FGF12: variants seen among roughly 807,000 people sequenced by gnomAD.
FGF12 encodes the protein fibroblast growth factor 12, also known as fibroblast growth factor 12B.
FGF12 carries 14 observed loss-of-function variants against 23.6 expected under a neutral mutation model. That is an observed-to-expected ratio of 0.59 (90% CI 0.39 to 0.93). The LOEUF is 0.93. Among genes scored for constraint, FGF12 ranks in the 40% least tolerant of loss-of-function variants. The probability of loss-of-function intolerance (pLI) is 0.00; values close to 1 mark genes in which losing one functional copy is unlikely to be tolerated. For missense variants in FGF12, 175 were observed against 217.8 expected (o/e 0.80, Z 1.24); for synonymous variants, 62 against 77.3 (o/e 0.80, Z 1.04).
rs138116337 is a variant in FGF12, at chr3:192,571,834, C to T, written c.13+155347G>A. Reference sequence around the variant, plus strand: ...AGCAATCTGGGTGTTCAATCTATCTCGATCTCACAATGCCCATGCCTCCTA... The same window carrying T: ...AGCAATCTGGGTGTTCAATCTATCTTGATCTCACAATGCCCATGCCTCCTA... On this transcript the variant is annotated intron_variant, in intron 2 of 5. Coordinates refer to ENST00000445105, the MANE Select transcript of FGF12 (RefSeq NM_004113.6). 4.1e-3 allele frequency among the ~76,000 whole-genome samples: 624 copies of T among 152,268 alleles called. 3 individuals carry two copies. Among genetic ancestry groups the T allele is most frequent in the African/African-American group, 0.014 (592 of 41,560 alleles).
intron 2 of FGF12, among the ~76,000 whole-genome samples, chr3:192,706,198 T>C (rs899172156): frequency 2.0e-5 from 3 of 152,216 alleles, no homozygotes; most frequent in African/African-American, 7.2e-5. Context: ...ATATTCAAAA[T>C]ATGTATATTA....
intron 4 of FGF12, among the ~76,000 whole-genome samples, chr3:192,181,982 C>T (rs372092514): frequency 3.3e-5 from 5 of 151,744 alleles, no homozygotes; most frequent in African/African-American, 1.2e-4. Flanking sequence ...AAAAAAAGAA[C>T]ATAATGAATA....
At chr3:192,486,616 A>G (rs569524172) in intron 2 of FGF12, among the ~76,000 whole-genome samples, 14 of 152,250 alleles carry the variant, frequency 9.2e-5, no homozygotes, top group Non-Finnish European at 1.8e-4. Flanking sequence ...GAAGAGCATG[A>G]GACAAGGTCA....
intron 4 of FGF12, among the ~76,000 whole-genome samples, chr3:192,241,428 A>C (rs1184018185): frequency 1.3e-5 from 2 of 152,184 alleles, no homozygotes; most frequent in Non-Finnish European, 2.9e-5. Flanking sequence ...AAAACACTAC[A>C]AAGATTATGT....
chr3:192,663,044 T>C (rs570348972), intron 2 of FGF12, among the ~76,000 whole-genome samples: 1 of 152,278 alleles, frequency 6.6e-6, no homozygotes, highest in African/African-American at 2.4e-5. Flanking sequence ...TTCATGATCA[T>C]GCAATGTTCT....
intron 4 of FGF12, among the ~76,000 whole-genome samples, chr3:192,177,627 G>A (rs1208489745): frequency 2.0e-5 from 3 of 152,134 alleles, no homozygotes; most frequent in Non-Finnish European, 1.5e-5. Flanking sequence ...ATAACCCATG[G>A]GTGAATGTAC....
intron 4 of FGF12, among the ~76,000 whole-genome samples, chr3:192,258,474 A>C (rs919586423): frequency 6.6e-6 from 1 of 152,164 alleles, no homozygotes; most frequent in East Asian, 1.9e-4. Context: ...AAATAAATAC[A>C]TAAATAAAAT....
chr3:192,494,381 G>A (rs935449975), intron 2 of FGF12, among the ~76,000 whole-genome samples: 44 of 152,326 alleles, frequency 2.9e-4, no homozygotes, highest in African/African-American at 1.1e-3. Flanking sequence ...CTCTACAATA[G>A]TACTTCCTGT....
intron 2 of FGF12, among the ~76,000 whole-genome samples, chr3:192,457,497 C>T (rs1356392183): frequency 6.6e-6 from 1 of 152,180 alleles, no homozygotes; most frequent in Non-Finnish European, 1.5e-5. Flanking sequence ...ACAAAGGTGA[C>T]TCTTGCTACA....
At chr3:192,172,161 A>G (rs112620541) in intron 4 of FGF12, among the ~76,000 whole-genome samples, 8,991 of 139,898 alleles carry the variant, frequency 0.064, 646 homozygotes, top group South Asian at 0.25. Flanking sequence ...GGTTGAGGTA[A>G]GCAGATCATT....
At chr3:192,382,263 G>A (rs1036162931) in intron 2 of FGF12, among the ~76,000 whole-genome samples, 1 of 151,992 alleles carries the variant, frequency 6.6e-6, no homozygotes, top group African/African-American at 2.4e-5. Flanking sequence ...CAAAGTACTG[G>A]GATTACAGGT....
chr3:192,491,603 T>C (rs1018185695), intron 2 of FGF12, among the ~76,000 whole-genome samples: 1 of 152,142 alleles, frequency 6.6e-6, no homozygotes, highest in African/African-American at 2.4e-5. Context: ...ATCTAAATTA[T>C]GGAGATAATC....
chr3:192,524,193 C>T (rs1724887512), intron 2 of FGF12, among the ~76,000 whole-genome samples: 1 of 152,118 alleles, frequency 6.6e-6, no homozygotes, highest in Non-Finnish European at 1.5e-5. Context: ...ATGATGCTGC[C>T]CCTGGTTTTG....
chr3:192,408,323 G>A lies in FGF12; in HGVS notation c.14-47785C>T, dbSNP rs921959207. On this transcript the variant is annotated intron_variant, in intron 2 of 5. Transcript: ENST00000445105. The surrounding 1 kb of genome is among the most constrained non-coding windows in gnomAD (Gnocchi z 7.3). ...GACCTGGGCGGCCAGGGAAAGGGCAGTCGCGGGGAGGCAGTGCTAAAATTT... is the reference window on the plus strand; with the variant it reads ...GACCTGGGCGGCCAGGGAAAGGGCAATCGCGGGGAGGCAGTGCTAAAATTT... 20 of 1,438,434 alleles carry A rather than the reference G, an allele frequency of 1.4e-5. No homozygotes were observed. The highest frequency in any genetic ancestry group is 1.7e-5 in the Non-Finnish European group (19 of 1,100,738). 89.1% of individuals were successfully genotyped at this position (1,438,434 alleles called of 1,614,324 possible). A position where few individuals can be genotyped will look rare whatever the true frequency, so the allele number is the denominator to read the frequency against.
intron 4 of FGF12, among the ~76,000 whole-genome samples, chr3:192,289,183 T>C (rs534583832): frequency 2.6e-5 from 4 of 152,278 alleles, no homozygotes; most frequent in African/African-American, 9.6e-5. Flanking sequence ...TTCATTCATT[T>C]ATTCAACAGT....
At chr3:192,418,113 A>C (rs957128350) in intron 2 of FGF12, among the ~76,000 whole-genome samples, 3 of 152,124 alleles carry the variant, frequency 2.0e-5, no homozygotes, top group African/African-American at 7.2e-5. Flanking sequence ...TGTAGATGTT[A>C]GATGCAAATT....
chr3:192,378,077 T>TCTTTCTTTC, intron 2 of FGF12, among the ~76,000 whole-genome samples: 1 of 126,208 alleles, frequency 7.9e-6, no homozygotes, highest in Non-Finnish European at 1.6e-5. Context: ...TTTCTTTCTT[T>TCTTTCTTTC]CTTTCTTTCT....
intron 2 of FGF12, among the ~76,000 whole-genome samples, chr3:192,636,199 C>T (rs1195935968): frequency 6.6e-6 from 1 of 152,148 alleles, no homozygotes; most frequent in Non-Finnish European, 1.5e-5. Context: ...TAGGAAGACA[C>T]TAGATCACCC....
intron 2 of FGF12, among the ~76,000 whole-genome samples, chr3:192,450,868 C>A (rs1374124331): frequency 1.3e-5 from 2 of 152,184 alleles, no homozygotes; most frequent in African/African-American, 4.8e-5. Context: ...GAACCCTTTT[C>A]CAAAGCATTT....
Sources: allele counts gnomAD v4.1 joint callset (sites outside exome capture counted in the v4.1 genomes callset), GRCh38; gene constraint gnomAD v4.1.1; non-coding constraint Gnocchi (gnomAD v3.1); transcripts MANE v1.5; gene names NCBI Gene and HGNC (gene_info 2026-07-23, HGNC 2026-07-21).